MGAT5: variants seen among roughly 807,000 people sequenced by gnomAD.
MGAT5 encodes alpha-1,6-mannosylglycoprotein 6-beta-N-acetylglucosaminyltransferase, also known as alpha-1,6-mannosylglycoprotein 6-beta-N-acetylglucosaminyltransferase A.
Under a neutral mutation model 94.3 loss-of-function variants are expected in MGAT5, and 30 were observed. The observed-to-expected ratio is 0.32, with a 90% CI of 0.24 to 0.43. MGAT5 has a LOEUF of 0.43. MGAT5 is among the 20% of genes least tolerant of loss of function. The pLI, the probability that MGAT5 is intolerant of heterozygous loss-of-function variation, is 1.00. For synonymous variants in MGAT5, 310 were observed against 322.9 expected, an observed-to-expected ratio of 0.96 and a Z score of 0.43; for missense variants, 691 against 905.5, an observed-to-expected ratio of 0.76 and a Z score of 3.04.
At chr2:134,299,103 C>A (rs1183867408) in intron 2 of MGAT5, among the ~76,000 whole-genome samples, 4 of 152,154 alleles carry the variant, frequency 2.6e-5, no homozygotes. Context: ...TCTTTCCAAG[C>A]GTCAATACCA....
chr2:134,390,330 C>A (rs779831448), intron 10 of MGAT5, among the ~76,000 whole-genome samples: 4 of 152,070 alleles, frequency 2.6e-5, no homozygotes, highest in Non-Finnish European at 5.9e-5. Flanking sequence ...AAACAAAATC[C>A]AACTTCAGTT....
rs372517860 is a variant in MGAT5 at position 134,429,409 on chromosome 2, G to C, written c.1869+970G>C. On this transcript the variant is annotated intron_variant, in intron 14 of 15. Transcript: ENST00000281923. ...TGCTGAGCTTTTGTTAGCAGCAAGA[G>C]AGCGCGCTCTGCAGCCAGGCCATGT... is the stretch of plus-strand genomic sequence containing the variant. 1.7e-4 allele frequency among the ~76,000 whole-genome samples: 26 copies of C among 152,338 alleles called. No homozygotes were observed. In the South Asian group the frequency reaches 5.4e-3, roughly 32 times the overall value.
intron 10 of MGAT5, among the ~76,000 whole-genome samples, chr2:134,379,472 T>G (rs978366175): frequency 1.3e-5 from 2 of 152,216 alleles, no homozygotes; most frequent in African/African-American, 4.8e-5. Context: ...TCCAATGGCT[T>G]CCCTTTGCCA....
At chr2:134,162,571 C>T (rs1005863143) in intron 1 of MGAT5, among the ~76,000 whole-genome samples, 1 of 152,200 alleles carries the variant, frequency 6.6e-6, no homozygotes, top group Non-Finnish European at 1.5e-5. Context: ...GAGGGTAATA[C>T]AGCTAAGTGA....
At chr2:134,372,750 A>G (rs144043321) in intron 10 of MGAT5, among the ~76,000 whole-genome samples, 4,524 of 152,332 alleles carry the variant, frequency 0.03, 99 homozygotes, top group South Asian at 0.042. Context: ...CATGAAAACC[A>G]CTAGCCAGTT....
intron 11 of MGAT5, among the ~76,000 whole-genome samples, chr2:134,410,903 G>A (rs1683612981): frequency 6.6e-6 from 1 of 152,124 alleles, no homozygotes; most frequent in African/African-American, 2.4e-5. Flanking sequence ...AGAAAGATCT[G>A]GACTCCCTGT....
chr2:134,120,135 C>G (rs1236676179), upstream of MGAT5: 2 of 153,552 alleles, frequency 1.3e-5, no homozygotes, highest in African/African-American at 4.9e-5. Context: ...GCGGCCCGCT[C>G]GGCGGCGGCC....
intron 14 of MGAT5, among the ~76,000 whole-genome samples, chr2:134,437,322 C>T (rs552096296): frequency 2.0e-3 from 312 of 152,292 alleles, no homozygotes; most frequent in Middle Eastern, 0.01. Context: ...GTGCTGCTTC[C>T]TGTACCCCAT....
chr2:134,128,281 A>G (rs1573706006), intron 1 of MGAT5, among the ~76,000 whole-genome samples: 1 of 152,010 alleles, frequency 6.6e-6, no homozygotes, highest in East Asian at 1.9e-4. Context: ...GAGAGAGAGA[A>G]AGAAGAAAGA....
At chr2:134,380,061 A>G (rs1341057212) in intron 10 of MGAT5, among the ~76,000 whole-genome samples, 1 of 152,228 alleles carries the variant, frequency 6.6e-6, no homozygotes, top group African/African-American at 2.4e-5. Context: ...TGCATAGTAT[A>G]GTGTCTGGCA....
intron 8 of MGAT5, among the ~76,000 whole-genome samples, chr2:134,347,033 T>A (rs574119684): frequency 1.3e-5 from 2 of 152,220 alleles, no homozygotes; most frequent in South Asian, 4.1e-4. Flanking sequence ...GCCTTGGGCA[T>A]CAAAACAAAC....
At chr2:134,267,581 G>A (rs1004018649) in intron 1 of MGAT5, among the ~76,000 whole-genome samples, 3 of 152,228 alleles carry the variant, frequency 2.0e-5, no homozygotes, top group African/African-American at 7.2e-5. Context: ...TAGTAGGTCA[G>A]TTGTATTTAC....
chr2:134,130,478 C>A (rs1000307888), intron 1 of MGAT5, among the ~76,000 whole-genome samples: 4 of 152,240 alleles, frequency 2.6e-5, no homozygotes, highest in African/African-American at 9.6e-5. Flanking sequence ...GCTTCTGAGT[C>A]AAGTGAGGAC....
At chr2:134,397,207 TG>T (rs1437020030) in intron 10 of MGAT5, among the ~76,000 whole-genome samples, 27 of 152,212 alleles carry the variant, frequency 1.8e-4, no homozygotes, top group African/African-American at 6.0e-4. Context: ...ATAAGGAGGA[TG>T]GGTTGAAGGA....
chr2:134,316,582 C>T (rs974238555), intron 2 of MGAT5, among the ~76,000 whole-genome samples: 9 of 151,898 alleles, frequency 5.9e-5, no homozygotes, highest in South Asian at 2.1e-4. Flanking sequence ...TTTTTTAAAT[C>T]GACATAATTA....
chr2:134,388,017 A>G (rs962093124), intron 10 of MGAT5, among the ~76,000 whole-genome samples: 4 of 152,212 alleles, frequency 2.6e-5, no homozygotes, highest in African/African-American at 9.6e-5. Flanking sequence ...GCTAAAATTC[A>G]TGGGGATCAG....
intron 6 of MGAT5, among the ~76,000 whole-genome samples, chr2:134,339,388 C>T (rs1174315793): frequency 6.6e-6 from 1 of 152,098 alleles, no homozygotes; most frequent in African/African-American, 2.4e-5. Context: ...GAATTTATAT[C>T]TATGTATACA....
intron 4 of MGAT5, among the ~76,000 whole-genome samples, chr2:134,335,570 C>T (rs1314357106): frequency 6.6e-6 from 1 of 152,088 alleles, no homozygotes; most frequent in East Asian, 1.9e-4. Context: ...ACAGAACAAT[C>T]CATCTTCCAG....
chr2:134,204,213 C>A (rs1381760437), intron 1 of MGAT5, among the ~76,000 whole-genome samples: 2 of 152,150 alleles, frequency 1.3e-5, no homozygotes, highest in Non-Finnish European at 2.9e-5. Flanking sequence ...GACAGCTCTC[C>A]CACCCTTTGG....
Sources: gnomAD v4.1 joint callset for allele counts (sites outside exome capture counted in the v4.1 genomes callset) on GRCh38, gnomAD v4.1.1 for gene constraint, MANE v1.5 for transcripts, NCBI Gene and HGNC (gene_info 2026-07-23, HGNC 2026-07-21) for gene names.